Variants in ALK observed in about 807,000 individuals in gnomAD.
ALK encodes the protein ALK receptor tyrosine kinase.
A neutral mutation model predicts 163.1 loss-of-function variants in ALK; 74 were observed. The observed-to-expected ratio is 0.45, with a 90% confidence interval of 0.38 to 0.55. The LOEUF (loss-of-function observed/expected upper bound fraction) is 0.55, where lower values mean the gene tolerates loss of function less well. Among genes scored for constraint, ALK ranks in the 20% least tolerant of loss-of-function variants. The probability of loss-of-function intolerance (pLI) is 0.00; values close to 1 mark genes in which losing one functional copy is unlikely to be tolerated. For missense variants in ALK, 2,063 were observed against 2,105.3 expected (o/e 0.98, Z 0.39); for synonymous variants, 960 against 843.2 (o/e 1.14, Z -2.40).
At chr2:29,417,314 G>A (rs1336152310) in intron 4 of ALK, among the ~76,000 whole-genome samples, 1 of 152,182 alleles carries the variant, frequency 6.6e-6, no homozygotes, top group Non-Finnish European at 1.5e-5. Context: ...CAATAAATGT[G>A]AGTATCCTTT....
At chr2:29,838,672 G>A (rs1665626458) in intron 1 of ALK, among the ~76,000 whole-genome samples, 1 of 152,162 alleles carries the variant, frequency 6.6e-6, no homozygotes, top group Admixed American at 6.5e-5. Context: ...ACATGCAAAA[G>A]TACATCTGTG....
At chr2:29,380,412 C>T (rs928506864) in intron 5 of ALK, among the ~76,000 whole-genome samples, 1 of 151,564 alleles carries the variant, frequency 6.6e-6, no homozygotes, top group South Asian at 2.1e-4. Context: ...CTGCTGCACA[C>T]TTTTGTTTTT....
chr2:29,774,494 A>G (rs1168241311), intron 1 of ALK, among the ~76,000 whole-genome samples: 1 of 152,212 alleles, frequency 6.6e-6, no homozygotes, highest in Admixed American at 6.5e-5. Flanking sequence ...TGAGCCTCTC[A>G]ACAACCTTAT....
In ALK at chr2:29,671,261, C is replaced by A. The variant is rs77881448; in HGVS notation, c.952+23589G>T. On this transcript the variant is annotated intron_variant, in intron 3 of 28. Coordinates refer to ENST00000389048, the MANE Select transcript of ALK (RefSeq NM_004304.5). ...TAAATAGTCAAAGTGCTGCCTGTTC[C>A]AAATGGGGGAGGTCTCAAAGAGATT... Among the ~76,000 whole-genome samples the A allele has an allele frequency of 4.0e-3, 602 of 152,100 alleles. 3 individuals carry two copies. Among genetic ancestry groups the A allele is most frequent in the African/African-American group, 0.014 (580 of 41,502 alleles).
intron 11 of ALK, among the ~76,000 whole-genome samples, chr2:29,269,800 G>A (rs1227874197): frequency 6.6e-6 from 1 of 150,788 alleles, no homozygotes; most frequent in Non-Finnish European, 1.5e-5. Flanking sequence ...TTAATGAACA[G>A]TCCCCCCCCA....
At chr2:29,335,028 T>C (rs10210781) in intron 5 of ALK, among the ~76,000 whole-genome samples, 3,259 of 152,230 alleles carry the variant, frequency 0.021, 130 homozygotes, top group African/African-American at 0.073. Flanking sequence ...GTGTAGAGTA[T>C]CCTGAGGCCC....
intron 1 of ALK, among the ~76,000 whole-genome samples, chr2:29,919,274 C>T (rs944514466): frequency 7.9e-5 from 12 of 152,200 alleles, no homozygotes; most frequent in African/African-American, 2.4e-4. Flanking sequence ...ATGGTTTCTC[C>T]CTGGCTTCAT....
chr2:29,265,552 G>A (rs571717359), intron 11 of ALK, among the ~76,000 whole-genome samples: 1 of 152,254 alleles, frequency 6.6e-6, no homozygotes, highest in South Asian at 2.1e-4. Context: ...CACACACTAA[G>A]CCTTGTTTTC....
At chr2:29,247,663 C>T (rs545405633) in intron 12 of ALK, among the ~76,000 whole-genome samples, 38 of 152,312 alleles carry the variant, frequency 2.5e-4, no homozygotes, top group African/African-American at 9.1e-4. Context: ...CAACTGTGTA[C>T]ATCCTGGAGG....
At chr2:29,585,580 G>A (rs920890150) in intron 3 of ALK, among the ~76,000 whole-genome samples, 11 of 151,978 alleles carry the variant, frequency 7.2e-5, no homozygotes, top group Admixed American at 2.6e-4. Context: ...CACCTGCCTC[G>A]GCCTCCCAAG....
At chr2:29,421,004 G>C (rs1027069312) in intron 4 of ALK, among the ~76,000 whole-genome samples, 1 of 151,514 alleles carries the variant, frequency 6.6e-6, no homozygotes, top group Non-Finnish European at 1.5e-5. Context: ...AGGAGCTACT[G>C]GTGGCTCTTG....
chr2:29,672,374 T>C (rs1035464814), intron 3 of ALK, among the ~76,000 whole-genome samples: 5 of 149,048 alleles, frequency 3.4e-5, no homozygotes, highest in African/African-American at 1.2e-4. Flanking sequence ...CCCCTTCCTG[T>C]GTCCATGTGA....
intron 4 of ALK, among the ~76,000 whole-genome samples, chr2:29,484,717 G>A (rs1217606897): frequency 2.6e-5 from 4 of 151,960 alleles, no homozygotes; most frequent in Non-Finnish European, 5.9e-5. Context: ...GTCTTTTCAT[G>A]AGATCTATAA....
At chr2:29,534,968 G>A (rs1573437060) in intron 3 of ALK, among the ~76,000 whole-genome samples, 2 of 152,212 alleles carry the variant, frequency 1.3e-5, no homozygotes, top group Non-Finnish European at 2.9e-5. Context: ...CTCTATAGTT[G>A]AGAGCTATCT....
chr2:29,195,264 A>G (rs1332070558), intron 28 of ALK, among the ~76,000 whole-genome samples: 1 of 152,252 alleles, frequency 6.6e-6, no homozygotes. Context: ...TTACAACAAA[A>G]TAACCTAATG....
chr2:29,667,687 T>G (rs910840559), intron 3 of ALK, among the ~76,000 whole-genome samples: 1 of 152,248 alleles, frequency 6.6e-6, no homozygotes, highest in African/African-American at 2.4e-5. Flanking sequence ...TGAATTAGAT[T>G]TGCCTATATT....
intron 3 of ALK, among the ~76,000 whole-genome samples, chr2:29,653,210 A>C (rs1288086553): frequency 6.6e-6 from 1 of 152,110 alleles, no homozygotes. Context: ...GATGTCTTCT[A>C]TCTGTGTTGA....
chr2:29,793,832 CT>C (rs1256578406), intron 1 of ALK, among the ~76,000 whole-genome samples: 1 of 152,072 alleles, frequency 6.6e-6, no homozygotes, highest in African/African-American at 2.4e-5. Context: ...TCATTCAGCC[CT>C]TGTTGTTACA....
chr2:29,719,297 T>C (rs1261518394), intron 1 of ALK, among the ~76,000 whole-genome samples: 1 of 152,272 alleles, frequency 6.6e-6, no homozygotes, highest in Non-Finnish European at 1.5e-5. Flanking sequence ...AGATTAGAAC[T>C]GAATTGATTT....
Sources: gnomAD v4.1 joint callset for allele counts (sites outside exome capture counted in the v4.1 genomes callset) on GRCh38, gnomAD v4.1.1 for gene constraint, MANE v1.5 for transcripts, NCBI Gene and HGNC (gene_info 2026-07-23, HGNC 2026-07-21) for gene names.